The following EPG5 variants were observed in gnomAD, a reference collection of about 807,000 sequenced individuals.
The protein encoded by EPG5 is ectopic P granules protein 5 homolog.
In EPG5, 159 loss-of-function variants were observed where a neutral mutation model predicts 302.7. That is an observed-to-expected ratio of 0.53 (90% CI 0.46 to 0.60). The LOEUF is 0.60. EPG5 is among the 20% of genes least tolerant of loss of function. EPG5 has a pLI of 0.00. For missense variants in EPG5, 2,896 were observed against 3,092.4 expected, an observed-to-expected ratio of 0.94 and a Z score of 1.51; for synonymous variants, 1,158 against 1,136.8, an observed-to-expected ratio of 1.02 and a Z score of -0.37.
chr18:45,876,158 A>C, intron 35 of EPG5, 78 bp downstream of exon 35: 1 of 930,230 alleles, frequency 1.1e-6, no homozygotes. Flanking sequence ...AAAATTAAAT[A>C]GAGGAAAGTA....
Position 45,928,768 on chromosome 18 carries a change from C to A in EPG5, c.2553+101G>T, listed in dbSNP as rs983217433. 1.7e-5 allele frequency: 19 copies of A among 1,137,384 alleles called. No individual in the cohort carries two copies. In the African/African-American group the frequency reaches 2.5e-4, roughly 15 times the overall value. 70.5% of individuals were successfully genotyped at this position (1,137,384 alleles called of 1,614,324 possible). ...TTAGTTCCTTTTATCCTGTTTATAC[C>A]CCTAGTGACAAGATCATTCCCAAGA... On this transcript the variant is annotated intron_variant, in intron 13 of 43. Transcript: ENST00000282041.
At chr18:45,827,243 T>C in the EPG5 span, among the ~76,000 whole-genome samples, 11 of 152,128 alleles carry the variant, frequency 7.2e-5, no homozygotes, top group African/African-American at 2.7e-4. Flanking sequence ...CTATGAAACA[T>C]TCTCTTTTCA....
chr18:45,912,540 C>T (rs573976483), intron 21 of EPG5, 84 bp from the exon 22 acceptor site: 1 of 1,266,436 alleles, frequency 7.9e-7, no homozygotes, highest in Admixed American at 2.8e-5. Flanking sequence ...CCAACTGAAA[C>T]ACCAAACATT....
intron 36 of EPG5, 148 bp downstream of exon 36, chr18:45,870,419 T>A: frequency 1.8e-6 from 1 of 561,742 alleles, no homozygotes; most frequent in Non-Finnish European, 2.9e-6. Flanking sequence ...CAAGACACTG[T>A]TTTCCACAGG....
At chr18:45,904,214 A>G (rs981999945) in intron 24 of EPG5, 97 bp from the exon 25 acceptor site, 5 of 1,400,664 alleles carry the variant, frequency 3.6e-6, no homozygotes, top group African/African-American at 3.0e-5. Context: ...GTAAGTTTCA[A>G]CACGAAGTGG....
Position 45,858,569 on chromosome 18 carries a change from G to A in EPG5, c.7223C>T (p.Pro2408Leu). 1 of 1,613,098 alleles carries A rather than the reference G, an allele frequency of 6.2e-7. No individual in the cohort carries two copies. Among genetic ancestry groups the A allele is most frequent in the Non-Finnish European group, 8.5e-7 (1 of 1,179,106 alleles). Residue 2408 changes from proline (P) to leucine (L), a missense_variant, in exon 41 of 44, where the codon CCA becomes CTA. Around this residue, in one of 5 missense-constraint regions of EPG5, gnomAD observed 620 missense variants for 704.2 expected, o/e 0.88. Coordinates refer to ENST00000282041, the MANE Select transcript of EPG5 (RefSeq NM_020964.3). Reference sequence around the variant, plus strand: ...AACAGCCTGAGGGCCAACGTACCTTGGGTACACCTGTTCCAGCCACTTGCT... The same window carrying A: ...AACAGCCTGAGGGCCAACGTACCTTAGGTACACCTGTTCCAGCCACTTGCT... The part of the protein sequence containing the change: ...ILSKWLEQVY[P>L]SSVEEEAKLF...
intron 1 of EPG5, among the ~76,000 whole-genome samples, chr18:45,964,265 G>GCTT (rs1478838848): frequency 1.3e-5 from 2 of 152,130 alleles, no homozygotes; most frequent in Non-Finnish European, 2.9e-5. Context: ...TTCTATCTAT[G>GCTT]GAAAGACAAA....
chr18:45,918,563 GA>G (rs1390808810), intron 16 of EPG5, among the ~76,000 whole-genome samples: 1 of 151,890 alleles, frequency 6.6e-6, no homozygotes, highest in Non-Finnish European at 1.5e-5. Flanking sequence ...CTCAAATACG[GA>G]AAAAAATATA....
At chr18:45,897,406 C>T (rs1047971037) in intron 27 of EPG5, among the ~76,000 whole-genome samples, 2 of 152,168 alleles carry the variant, frequency 1.3e-5, no homozygotes, top group African/African-American at 4.8e-5. Context: ...TTGGTGAAGA[C>T]ACCCCTTTTT....
At chr18:45,812,757 C>A in the EPG5 span, among the ~76,000 whole-genome samples, 22 of 152,144 alleles carry the variant, frequency 1.4e-4, no homozygotes, top group Admixed American at 2.6e-4. Flanking sequence ...ACACCTTATG[C>A]AAAAATTAAT....
intron 27 of EPG5, among the ~76,000 whole-genome samples, chr18:45,896,348 G>T (rs2049473790): frequency 6.6e-6 from 1 of 152,204 alleles, no homozygotes; most frequent in Non-Finnish European, 1.5e-5. Flanking sequence ...CTAAAAGTCA[G>T]GGCACTAAGC....
intron 6 of EPG5, among the ~76,000 whole-genome samples, chr18:45,948,045 G>A (rs2050824837): frequency 6.6e-6 from 1 of 152,060 alleles, no homozygotes; most frequent in South Asian, 2.1e-4. Flanking sequence ...AAAGTACTGG[G>A]ATTACAGGTG....
chr18:45,876,192 G>C, intron 35 of EPG5, 44 bp downstream of exon 35: 1 of 1,359,922 alleles, frequency 7.4e-7, no homozygotes, highest in African/African-American at 1.4e-5. Flanking sequence ...GACTGACTTA[G>C]GGAAAAATGA....
rs1449630964 is a variant in EPG5 at position 45,934,856 on chromosome 18, T to C, written c.2210A>G (p.Gln737Arg). Residue 737 changes from glutamine (Q) to arginine (R), a missense_variant, in exon 11 of 44, where the codon CAG (glutamine) becomes CGG (arginine). This residue lies in a region of EPG5 where 1,390 missense variants were observed against 1,430.0 expected (regional missense o/e 0.97). Coordinates refer to ENST00000282041, the MANE Select transcript of EPG5 (RefSeq NM_020964.3). ...GGCGGGCTGCAGGGAGGAGGAGAGC[T>C]GCTGCAGGTTCTCGCTCTCCACCTG... ...MHQVESENLQ[Q>R]LSSSLQPAQC... 1 of 1,614,176 alleles carries C rather than the reference T, an allele frequency of 6.2e-7. No individual in the cohort carries two copies. The highest frequency in any genetic ancestry group is 8.5e-7 in the Non-Finnish European group (1 of 1,180,034).
At chr18:45,925,425 A>C (rs2050246116) in intron 14 of EPG5, among the ~76,000 whole-genome samples, 1 of 152,170 alleles carries the variant, frequency 6.6e-6, no homozygotes, top group African/African-American at 2.4e-5. Flanking sequence ...GTGAGCCAAG[A>C]TAGTGCCACC....
chr18:45,909,657 A>C (rs962320750), intron 23 of EPG5, among the ~76,000 whole-genome samples: 2 of 152,216 alleles, frequency 1.3e-5, no homozygotes, highest in African/African-American at 4.8e-5. Flanking sequence ...CTTTTAGAGG[A>C]GGCAAATATT....
intron 24 of EPG5, among the ~76,000 whole-genome samples, chr18:45,906,651 C>T (rs1327289266): frequency 6.6e-6 from 1 of 150,708 alleles, no homozygotes; most frequent in Non-Finnish European, 1.5e-5. Context: ...ATTCCACTCT[C>T]GTAATTTTTT....
intron 3 of EPG5, 46 bp downstream of exon 3, chr18:45,952,350 ATTTT>A (rs750446400): frequency 8.8e-6 from 14 of 1,583,270 alleles, no homozygotes; most frequent in East Asian, 4.5e-5. Context: ...ATACCCCTCA[ATTTT>A]TTTTTACTTC....
chr18:45,880,239 G>GGAAGAGCAAGTCAGTGGCTTTCCC lies in EPG5; in HGVS notation c.5519-40_5519-17dup. The stretch of plus-strand genomic sequence containing the variant: ...TCCGCGGAGCCTGCCAGCAGGGACA[G>GGAAGAGCAAGTCAGTGGCTTTCCC]GAAGAGCAAGTCAGTGGCTTTCCCG... On this transcript the variant is annotated splice_polypyrimidine_tract_variant and intron_variant, in intron 31 of 43. Coordinates refer to ENST00000282041, the MANE Select transcript of EPG5 (RefSeq NM_020964.3). 6.4e-7 allele frequency: 1 copy of GGAAGAGCAAGTCAGTGGCTTTCCC among 1,569,874 alleles called. No individual in the cohort carries two copies. Among genetic ancestry groups the GGAAGAGCAAGTCAGTGGCTTTCCC allele is most frequent in the Non-Finnish European group, 8.6e-7 (1 of 1,156,598 alleles).
Sources: allele counts gnomAD v4.1 joint callset (sites outside exome capture counted in the v4.1 genomes callset), GRCh38; gene constraint gnomAD v4.1.1; regional missense constraint gnomAD v4.1.1; transcripts MANE v1.5; gene names NCBI Gene and HGNC (gene_info 2026-07-23, HGNC 2026-07-21).